PPP1R12A: variants seen among roughly 807,000 people sequenced by gnomAD.
PPP1R12A encodes myosin binding subunit.
In PPP1R12A, 19 loss-of-function variants were observed where a neutral mutation model predicts 139.6. The ratio of observed to expected loss-of-function variants is 0.14; its 90% CI spans 0.09 to 0.20. PPP1R12A has a LOEUF of 0.20. Among genes scored for constraint, PPP1R12A ranks in the 10% least tolerant of loss-of-function variants. The pLI, the probability that PPP1R12A is intolerant of heterozygous loss-of-function variation, is 1.00. For missense variants in PPP1R12A, 925 were observed against 1,211.5 expected (o/e 0.76, Z 3.51); for synonymous variants, 427 against 420.6 (o/e 1.02, Z -0.19).
intron 23 of PPP1R12A, chr12:79,778,856 A>T: frequency 3.5e-6 from 1 of 284,912 alleles, no homozygotes; most frequent in Non-Finnish European, 6.6e-6. Flanking sequence ...TATTCAAACT[A>T]CTTTTTGAGT....
chr12:79,867,818 G>T (rs1029191896), intron 2 of PPP1R12A, among the ~76,000 whole-genome samples: 1 of 152,100 alleles, frequency 6.6e-6, no homozygotes, highest in African/African-American at 2.4e-5. Flanking sequence ...GAGATCTGAT[G>T]ATTTTATAAA....
chr12:79,929,413 T>G (rs536479953), intron 1 of PPP1R12A, among the ~76,000 whole-genome samples: 1 of 152,300 alleles, frequency 6.6e-6, no homozygotes, highest in East Asian at 1.9e-4. Flanking sequence ...ATAATATTTT[T>G]CTACCACTTA....
intron 22 of PPP1R12A, among the ~76,000 whole-genome samples, chr12:79,783,506 C>T (rs1421145): frequency 0.98 from 148,592 of 152,202 alleles, 72,571 homozygotes; most frequent in East Asian, 1. Context: ...AATAAGACTG[C>T]TTAGTTAATT....
intron 1 of PPP1R12A, among the ~76,000 whole-genome samples, chr12:79,877,284 TATAAC>T (rs1057340854): frequency 1.3e-5 from 2 of 152,090 alleles, no homozygotes; most frequent in African/African-American, 4.8e-5. Flanking sequence ...ATATCTTACA[TATAAC>T]AGATGATAAA....
At chr12:79,793,339 T>C (rs1592621675) in intron 19 of PPP1R12A, among the ~76,000 whole-genome samples, 1 of 152,250 alleles carries the variant, frequency 6.6e-6, no homozygotes, top group African/African-American at 2.4e-5. Context: ...ATTCTCAACA[T>C]AAAAATCTGT....
At chr12:79,883,498 T>G (rs537856698) in intron 1 of PPP1R12A, among the ~76,000 whole-genome samples, 1 of 152,026 alleles carries the variant, frequency 6.6e-6, no homozygotes, top group East Asian at 1.9e-4. Flanking sequence ...TATGAAGAGT[T>G]AAGATGCAGG....
intron 2 of PPP1R12A, among the ~76,000 whole-genome samples, chr12:79,871,467 C>T (rs1882560297): frequency 6.6e-6 from 1 of 152,150 alleles, no homozygotes; most frequent in South Asian, 2.1e-4. Flanking sequence ...TTAATATGTA[C>T]TATTTCCTAT....
intron 3 of PPP1R12A, among the ~76,000 whole-genome samples, chr12:79,840,466 C>G (rs182455831): frequency 6.6e-6 from 1 of 152,236 alleles, no homozygotes; most frequent in East Asian, 1.9e-4. Context: ...ATGCACCAAC[C>G]ACTGTCATCT....
At chr12:79,895,579 C>T (rs1281229054) in intron 1 of PPP1R12A, among the ~76,000 whole-genome samples, 2 of 152,128 alleles carry the variant, frequency 1.3e-5, no homozygotes, top group African/African-American at 4.8e-5. Context: ...AAATGGAACA[C>T]TATTTTCTGA....
intron 19 of PPP1R12A, among the ~76,000 whole-genome samples, chr12:79,791,018 T>C (rs1871778529): frequency 6.6e-6 from 1 of 152,186 alleles, no homozygotes; most frequent in Admixed American, 6.5e-5. Context: ...CTAAAGTCTG[T>C]AAATTTCCTC....
intron 19 of PPP1R12A, among the ~76,000 whole-genome samples, chr12:79,793,582 C>T (rs1872149081): frequency 6.6e-6 from 1 of 152,122 alleles, no homozygotes; most frequent in Admixed American, 6.6e-5. Context: ...ATTACATCCA[C>T]TTAGAGTGTA....
chr12:79,934,939 C>T lies in PPP1R12A; in HGVS notation c.-8G>A. 6.3e-7 allele frequency: 1 copy of T among 1,580,424 alleles called. No individual in the cohort carries two copies. Among genetic ancestry groups the T allele is most frequent in the Non-Finnish European group, 8.6e-7 (1 of 1,161,722 alleles). On this transcript the variant is annotated 5_prime_UTR_variant, in exon 1 of 25. Transcript: ENST00000450142. ...CGCGTCCGCCATCTTCATCCCCTCT[C>T]CTGCCGCCGGGTCTTCTTATCGCGA...
At chr12:79,787,170 A>G (rs1165378276) in intron 21 of PPP1R12A, 1 of 152,180 alleles carries the variant, frequency 6.6e-6, no homozygotes, top group African/African-American at 2.4e-5. Flanking sequence ...TGAAAATCTC[A>G]TAATTTTCAT....
At chr12:79,876,334 C>T (rs371551361) in intron 1 of PPP1R12A, among the ~76,000 whole-genome samples, 143 of 152,308 alleles carry the variant, frequency 9.4e-4, no homozygotes, top group African/African-American at 3.0e-3. Context: ...GCTGCATCCT[C>T]AATACCATGC....
chr12:79,816,668 A>T (rs1875430616), intron 9 of PPP1R12A, among the ~76,000 whole-genome samples: 1 of 152,176 alleles, frequency 6.6e-6, no homozygotes, highest in South Asian at 2.1e-4. Flanking sequence ...ACAGACAGAG[A>T]ACAGAAAGAA....
chr12:79,839,676 C>T (rs188343319), intron 3 of PPP1R12A, among the ~76,000 whole-genome samples: 7 of 152,242 alleles, frequency 4.6e-5, no homozygotes, highest in African/African-American at 1.7e-4. Context: ...TCTCTCCTGC[C>T]ACCGTGTGAA....
intron 3 of PPP1R12A, among the ~76,000 whole-genome samples, chr12:79,835,436 T>G (rs1176673988): frequency 6.6e-6 from 1 of 152,160 alleles, no homozygotes. Flanking sequence ...CTACAGGTTC[T>G]GTCTCTATGG....
chr12:79,776,447 C>T (rs966759782), intron 24 of PPP1R12A, among the ~76,000 whole-genome samples: 5 of 151,988 alleles, frequency 3.3e-5, no homozygotes, highest in African/African-American at 1.2e-4. Context: ...GTCAAACTAC[C>T]TAGGAAAACA....
At chr12:79,904,054 A>G (rs1284376990) in intron 1 of PPP1R12A, among the ~76,000 whole-genome samples, 1 of 152,068 alleles carries the variant, frequency 6.6e-6, no homozygotes, top group Non-Finnish European at 1.5e-5. Context: ...GTTTCTACTA[A>G]AAATATAAAA....
Sources: allele counts gnomAD v4.1 joint callset (sites outside exome capture counted in the v4.1 genomes callset), GRCh38; gene constraint gnomAD v4.1.1; transcripts MANE v1.5; gene names NCBI Gene and HGNC (gene_info 2026-07-23, HGNC 2026-07-21).